The following ADORA1 variants were observed in gnomAD, a reference collection of about 807,000 sequenced individuals.
The protein encoded by ADORA1 is adenosine A1 receptor.
A neutral mutation model predicts 19.9 loss-of-function variants in ADORA1; 6 were observed. The ratio of observed to expected loss-of-function variants is 0.30; its 90% CI spans 0.17 to 0.59. ADORA1 has a LOEUF of 0.59. Ranked by LOEUF, ADORA1 falls within the 20% of genes least tolerant of loss-of-function variation. ADORA1 has a pLI of 0.87. For missense variants in ADORA1, 302 were observed against 439.2 expected (o/e 0.69, Z 2.79); for synonymous variants, 194 against 188.4 (o/e 1.03, Z -0.24).
chr1:203,141,534 AG>A (rs35517847), intron 3 of ADORA1, among the ~76,000 whole-genome samples: 1 of 137,756 alleles, frequency 7.3e-6, no homozygotes, highest in Non-Finnish European at 1.6e-5. Context: ...GGGGCAGGAG[AG>A]GGGACGGTCT....
intron 3 of ADORA1, among the ~76,000 whole-genome samples, chr1:203,147,430 AATGCC>A (rs1036225991): frequency 6.6e-6 from 1 of 152,164 alleles, no homozygotes; most frequent in African/African-American, 2.4e-5. Context: ...GATCCAAAAC[AATGCC>A]TTTCTTTTTC....
rs369494934 is a variant in ADORA1, at chr1:203,151,296, G to T, written c.342-13965G>T. Among the ~76,000 whole-genome samples the T allele has an allele frequency of 1.0e-3, 152 of 152,278 alleles. 4 individuals are homozygous for T. In the South Asian group the frequency reaches 0.03, roughly 30 times the overall value. On this transcript the variant is annotated intron_variant, in intron 3 of 3. Transcript: ENST00000337894. ...TGACTTCTCCAGGACCCTGTGTAGGGTTTAGTGCTGGGCTGAGCAGGTTCC... is the reference window on the plus strand; with the variant it reads ...TGACTTCTCCAGGACCCTGTGTAGGTTTTAGTGCTGGGCTGAGCAGGTTCC...
At chr1:203,151,882 A>G (rs1655049366) in intron 3 of ADORA1, among the ~76,000 whole-genome samples, 1 of 152,058 alleles carries the variant, frequency 6.6e-6, no homozygotes. Context: ...CTTCCTCTCC[A>G]TGGGGCACAG....
At chr1:203,135,136 G>T (rs1170986765) in intron 3 of ADORA1, among the ~76,000 whole-genome samples, 1 of 152,082 alleles carries the variant, frequency 6.6e-6, no homozygotes, top group Non-Finnish European at 1.5e-5. Context: ...TTCTGGGCTT[G>T]GTAAGTTCCC....
chr1:203,140,841 C>T (rs1228776766), intron 3 of ADORA1, among the ~76,000 whole-genome samples: 1 of 152,212 alleles, frequency 6.6e-6, no homozygotes, highest in Non-Finnish European at 1.5e-5. Context: ...GCTTCTGGGA[C>T]ATTAAGGCCT....
intron 3 of ADORA1, among the ~76,000 whole-genome samples, chr1:203,133,250 A>C (rs1049739685): frequency 2.6e-5 from 4 of 152,100 alleles, no homozygotes; most frequent in Non-Finnish European, 5.9e-5. Flanking sequence ...AGTAGCTAGA[A>C]TTACAGGTGC....
intron 3 of ADORA1, chr1:203,164,943 G>T: frequency 8.5e-7 from 1 of 1,178,778 alleles, no homozygotes; most frequent in Non-Finnish European, 1.2e-6. Flanking sequence ...GGGGCATGCT[G>T]AGCACATGGG....
intron 3 of ADORA1, among the ~76,000 whole-genome samples, chr1:203,154,179 G>A (rs1419720217): frequency 2.0e-5 from 3 of 152,200 alleles, no homozygotes; most frequent in African/African-American, 4.8e-5. Context: ...GTGTCATCCT[G>A]CCCTCAGGCA....
chr1:203,165,922 A>G lies in ADORA1; in HGVS notation c.*22A>G. The G allele has an allele frequency of 2.6e-6, 4 of 1,532,628 alleles. No homozygotes were observed. Among genetic ancestry groups the G allele is most frequent in the Non-Finnish European group, 3.5e-6 (4 of 1,140,080 alleles). 94.9% of individuals were successfully genotyped at this position (1,532,628 alleles called of 1,614,324 possible). ...CTAGACCCCGCCTTCCGCTCCCACC[A>G]GCCCACATCCAGTGGGGTCTCAGTC... is the stretch of plus-strand genomic sequence containing the variant. On this transcript the variant is annotated 3_prime_UTR_variant, in exon 4 of 4. Transcript: ENST00000337894. The surrounding 1 kb of genome is among the most constrained non-coding windows in gnomAD (Gnocchi z 5.9).
chr1:203,165,750 G>A lies in ADORA1; in HGVS notation c.831G>A (p.Thr277=), dbSNP rs200703683. 49 of 1,613,700 alleles carry A rather than the reference G, an allele frequency of 3.0e-5. No homozygotes were observed. In the African/African-American group the frequency reaches 5.3e-4, roughly 18 times the overall value. The part of the protein sequence containing the change: ...SILTYIAIFL[T]HGNSAMNPIV... The stretch of plus-strand genomic sequence containing the variant: ...TTACCTACATTGCCATCTTCCTCAC[G>A]CACGGCAACTCGGCCATGAACCCCA... Residue 277 remains threonine (T), a synonymous_variant, in exon 4 of 4, where the codon ACG becomes ACA. Transcript: ENST00000337894. This position sits in a 1 kb window ranked among gnomAD's most constrained non-coding sequence, Gnocchi z 5.9.
rs199868063 is a variant in ADORA1 at position 203,128,254 on chromosome 1, C to G, written c.-212-24C>G. 429 of 1,171,396 alleles carry G rather than the reference C, an allele frequency of 3.7e-4. 4 individuals carry two copies. The highest frequency in any genetic ancestry group is 4.2e-4 in the Admixed American group (17 of 40,004). 72.6% of individuals were successfully genotyped at this position (1,171,396 alleles called of 1,614,324 possible). On this transcript the variant is annotated intron_variant, in intron 1 of 3. Coordinates refer to ENST00000337894, the MANE Select transcript of ADORA1 (RefSeq NM_000674.3). This position sits in a 1 kb window ranked among gnomAD's most constrained non-coding sequence, Gnocchi z 5.9. The stretch of plus-strand genomic sequence containing the variant: ...AAAAGCGTCCGGGGCTGAGTCTCTG[C>G]CGTACCATGTGATTGCTTGAAAGGC...
chr1:203,131,576 T>C (rs1368340305), intron 3 of ADORA1, among the ~76,000 whole-genome samples: 1 of 152,218 alleles, frequency 6.6e-6, no homozygotes, highest in African/African-American at 2.4e-5. Flanking sequence ...TTCAGGGCCA[T>C]GACCACAGAT....
At chr1:203,130,370 CAG>C (rs1654293468) in intron 3 of ADORA1, among the ~76,000 whole-genome samples, 2 of 152,248 alleles carry the variant, frequency 1.3e-5, no homozygotes, top group Non-Finnish European at 2.9e-5. Context: ...AACTAAGACT[CAG>C]AGGGTCTCCT....
At chr1:203,129,274 C>T in intron 3 of ADORA1, 92 bp downstream of exon 3, 1 of 1,508,824 alleles carries the variant, frequency 6.6e-7, no homozygotes, top group Non-Finnish European at 8.8e-7. Flanking sequence ...CATAAGACCC[C>T]AAGTAAGCCA....
At position 203,162,816 on chromosome 1, in the gene ADORA1, G is replaced by C. The variant is rs1289390729; in HGVS notation, c.342-2445G>C. Among the ~76,000 whole-genome samples, 3 of 152,180 alleles carry C rather than the reference G, an allele frequency of 2.0e-5. No individual in the cohort carries two copies. In the East Asian group the frequency reaches 5.8e-4, roughly 29 times the overall value. ...TGAGGATTACCTGAGACAGGACTGAGAAAGGGATTTGTAAATGATAAATGT... is the reference window on the plus strand; with the variant it reads ...TGAGGATTACCTGAGACAGGACTGACAAAGGGATTTGTAAATGATAAATGT... On this transcript the variant is annotated intron_variant, in intron 3 of 3. Transcript: ENST00000337894.
intron 3 of ADORA1, chr1:203,150,882 A>C: frequency 8.7e-7 from 1 of 1,153,876 alleles, no homozygotes; most frequent in Non-Finnish European, 1.1e-6. Context: ...GGGCCCTGAC[A>C]GCCCAAGCTC....
At chr1:203,156,423 A>AG (rs1183228934) in intron 3 of ADORA1, among the ~76,000 whole-genome samples, 3 of 152,192 alleles carry the variant, frequency 2.0e-5, no homozygotes, top group South Asian at 4.1e-4. Flanking sequence ...GGAAATGAAC[A>AG]GGAAGTGCAA....
intron 3 of ADORA1, among the ~76,000 whole-genome samples, chr1:203,150,252 G>A (rs1433474174): frequency 6.6e-6 from 1 of 152,202 alleles, no homozygotes; most frequent in Non-Finnish European, 1.5e-5. Context: ...GTATGTCTGG[G>A]CCCCTCCTCC....
chr1:203,129,813 A>C (rs1242754985), intron 3 of ADORA1: 1 of 152,574 alleles, frequency 6.6e-6, no homozygotes, highest in African/African-American at 2.4e-5. Flanking sequence ...GGAGGAAGGA[A>C]AAATGCTGGT....
Sources: gnomAD v4.1 joint callset for allele counts (sites outside exome capture counted in the v4.1 genomes callset) on GRCh38, gnomAD v4.1.1 for gene constraint, Gnocchi (gnomAD v3.1) non-coding constraint, MANE v1.5 for transcripts, NCBI Gene and HGNC (gene_info 2026-07-23, HGNC 2026-07-21) for gene names.